The following TBC1D5 variants were observed in gnomAD, a reference collection of about 807,000 sequenced individuals.
TBC1D5 encodes TBC1 domain family, member 5.
In TBC1D5, 75 loss-of-function variants were observed where a neutral mutation model predicts 100.3. The observed-to-expected ratio is 0.75, with a 90% CI of 0.62 to 0.91. The LOEUF (loss-of-function observed/expected upper bound fraction) is 0.91. Ranked by LOEUF, TBC1D5 falls within the 40% of genes least tolerant of loss-of-function variation. The probability of loss-of-function intolerance (pLI) is 0.00; values close to 1 mark genes in which losing one functional copy is unlikely to be tolerated. For synonymous variants in TBC1D5, 323 were observed against 325.6 expected, an observed-to-expected ratio of 0.99 and a Z score of 0.09; for missense variants, 910 against 942.4, an observed-to-expected ratio of 0.97 and a Z score of 0.45.
At chr3:17,643,565 T>C (rs938175504) in intron 1 of TBC1D5, among the ~76,000 whole-genome samples, 3 of 152,154 alleles carry the variant, frequency 2.0e-5, no homozygotes, top group African/African-American at 7.2e-5. Context: ...TCTTTATACA[T>C]TTATTAATTG....
intron 8 of TBC1D5, among the ~76,000 whole-genome samples, chr3:17,395,318 C>A (rs1482430116): frequency 6.6e-6 from 1 of 151,978 alleles, no homozygotes; most frequent in Non-Finnish European, 1.5e-5. Flanking sequence ...AAAATATAAA[C>A]GTAGGTAGAT....
chr3:17,362,459 A>C (rs1195761611), intron 13 of TBC1D5, among the ~76,000 whole-genome samples: 1 of 152,252 alleles, frequency 6.6e-6, no homozygotes, highest in East Asian at 1.9e-4. Context: ...AAAAAGGGCA[A>C]AAGATGTAAG....
At chr3:17,632,954 C>T (rs1577127759) in intron 1 of TBC1D5, among the ~76,000 whole-genome samples, 1 of 152,094 alleles carries the variant, frequency 6.6e-6, no homozygotes, top group South Asian at 2.1e-4. Flanking sequence ...AGTGATAATA[C>T]ACCCTTTTTC....
intron 1 of TBC1D5, among the ~76,000 whole-genome samples, chr3:17,696,995 G>T (rs1037756572): frequency 8.5e-5 from 13 of 152,138 alleles, no homozygotes; most frequent in Non-Finnish European, 1.3e-4. Flanking sequence ...CAGAACCAAT[G>T]ATAAAAACCA....
intron 15 of TBC1D5, among the ~76,000 whole-genome samples, chr3:17,289,872 T>A (rs775790098): frequency 5.3e-5 from 8 of 152,194 alleles, no homozygotes; most frequent in Admixed American, 2.0e-4. Flanking sequence ...TTAACACACG[T>A]GTCAAGTGAC....
intron 1 of TBC1D5, among the ~76,000 whole-genome samples, chr3:17,644,605 A>AT (rs1403369648): frequency 6.6e-5 from 10 of 152,160 alleles, no homozygotes; most frequent in African/African-American, 2.4e-4. Context: ...CCTTCTGCAC[A>AT]TTCAAAAAAC....
At chr3:17,713,334 A>C (rs979989261) in intron 1 of TBC1D5, among the ~76,000 whole-genome samples, 4 of 149,390 alleles carry the variant, frequency 2.7e-5, no homozygotes, top group African/African-American at 9.9e-5. Flanking sequence ...CTCCGCCTCC[A>C]GGGTTCACGC....
chr3:17,189,945 T>G (rs1559378515), intron 18 of TBC1D5, among the ~76,000 whole-genome samples: 1 of 152,228 alleles, frequency 6.6e-6, no homozygotes, highest in Admixed American at 6.5e-5. Context: ...GACTAAATAA[T>G]CTGAAGAAAT....
chr3:17,287,479 A>T (rs2081292026), intron 15 of TBC1D5, among the ~76,000 whole-genome samples: 1 of 152,208 alleles, frequency 6.6e-6, no homozygotes, highest in Non-Finnish European at 1.5e-5. Flanking sequence ...GAGGGAATGA[A>T]TAGATAGAAC....
chr3:17,379,159 G>T (rs1284415676), intron 9 of TBC1D5, among the ~76,000 whole-genome samples: 1 of 150,692 alleles, frequency 6.6e-6, no homozygotes. Flanking sequence ...TTATCATGTA[G>T]GTTACATAAA....
At chr3:17,647,018 T>C (rs567978842) in intron 1 of TBC1D5, 2 of 152,102 alleles carry the variant, frequency 1.3e-5, no homozygotes, top group African/African-American at 2.4e-5. Flanking sequence ...AAATTGTTTA[T>C]AATGGGTGAA....
intron 1 of TBC1D5, chr3:17,706,212 C>T: frequency 1.3e-6 from 2 of 1,550,680 alleles, no homozygotes; most frequent in Non-Finnish European, 1.7e-6. Flanking sequence ...CGCGGCGAGG[C>T]CCAGGCTGTG....
At chr3:17,740,326 A>G (rs2077319083) in exon 1 of TBC1D5, 1 of 151,474 alleles carries the variant, frequency 6.6e-6, no homozygotes, top group Admixed American at 6.6e-5. Context: ...ACAGAGCGAG[A>G]GTCCGTCTCA....
intron 2 of TBC1D5, among the ~76,000 whole-genome samples, chr3:17,510,422 G>A (rs555177343): frequency 1.3e-5 from 2 of 151,984 alleles, no homozygotes; most frequent in South Asian, 2.1e-4. Context: ...AGAGGATTAG[G>A]GAAAACAAAG....
chr3:17,161,872 T>C (rs1372145123), intron 21 of TBC1D5, among the ~76,000 whole-genome samples: 1 of 152,170 alleles, frequency 6.6e-6, no homozygotes, highest in Non-Finnish European at 1.5e-5. Flanking sequence ...CACAGGGGTC[T>C]CCTGGAGCAA....
chr3:17,322,477 G>A (rs954351643), intron 13 of TBC1D5, among the ~76,000 whole-genome samples: 2 of 152,200 alleles, frequency 1.3e-5, no homozygotes. Flanking sequence ...GCGCAGCACT[G>A]TGATTTCTGA....
rs200612648 is a variant in TBC1D5 at position 17,698,037 on chromosome 3, A to C, written c.-101+41306T>G. ...TGACTTTCTTCACAGAATTGGAAAA[A>C]ACTACTTTCAAGTTCATATGGAACC... is the stretch of plus-strand genomic sequence containing the variant. On this transcript the variant is annotated intron_variant, in intron 1 of 21. Coordinates refer to ENST00000253692, the Ensembl canonical transcript of TBC1D5. Among the ~76,000 whole-genome samples, 444 of 152,042 alleles carry C rather than the reference A, an allele frequency of 2.9e-3. 9 individuals are homozygous for C. The highest frequency in any genetic ancestry group is 0.028 in the East Asian group (145 of 5,134).
chr3:17,221,565 T>A (rs1259238680), intron 17 of TBC1D5, among the ~76,000 whole-genome samples: 2 of 151,990 alleles, frequency 1.3e-5, no homozygotes, highest in Non-Finnish European at 2.9e-5. Context: ...AGTTCAAACA[T>A]GAGAAGGGCT....
chr3:17,452,458 A>C (rs2094949954), intron 3 of TBC1D5, among the ~76,000 whole-genome samples: 1 of 152,320 alleles, frequency 6.6e-6, no homozygotes, highest in African/African-American at 2.4e-5. Flanking sequence ...ATAAGGATAC[A>C]TAGAGACTGA....
Sources: allele counts gnomAD v4.1 joint callset (sites outside exome capture counted in the v4.1 genomes callset), GRCh38; gene constraint gnomAD v4.1.1; transcripts MANE v1.5; gene names NCBI Gene and HGNC (gene_info 2026-07-23, HGNC 2026-07-21).